The following KLF8 variants were observed in gnomAD, a reference collection of about 807,000 sequenced individuals.
The protein encoded by KLF8 is KLF transcription factor 8.
KLF8 carries 10 observed loss-of-function variants against 18.2 expected under a neutral mutation model. The observed-to-expected ratio is 0.55, with a 90% CI of 0.34 to 0.93. The LOEUF (loss-of-function observed/expected upper bound fraction) is 0.93. KLF8 is among the 40% of genes least tolerant of loss of function. The pLI, the probability that KLF8 is intolerant of heterozygous loss-of-function variation, is 0.02. For missense variants in KLF8, 264 were observed against 277.9 expected, an observed-to-expected ratio of 0.95 and a Z score of 0.36; for synonymous variants, 109 against 97.3, an observed-to-expected ratio of 1.12 and a Z score of -0.71.
At chrX:55,936,785 C>G in the KLF8 span, among the ~76,000 whole-genome samples, 9 of 110,165 alleles carry the variant, frequency 8.2e-5, no homozygotes, top group African/African-American at 3.0e-4. Context: ...TTTGTTAGCA[C>G]AGGGGTCTGA....
the KLF8 span, among the ~76,000 whole-genome samples, chrX:56,000,475 TGGGG>T: frequency 4.7e-4 from 17 of 36,249 alleles, no homozygotes; most frequent in African/African-American, 9.7e-4. Flanking sequence ...TGCTTTTTCT[TGGGG>T]GGGGGGGGAG....
chrX:56,029,211 G>A, the KLF8 span, among the ~76,000 whole-genome samples: 5 of 110,220 alleles, frequency 4.5e-5, no homozygotes, highest in African/African-American at 1.3e-4. Flanking sequence ...GACCTGGCTC[G>A]GTTAGAAAAA....
the KLF8 span, among the ~76,000 whole-genome samples, chrX:56,050,122 A>T: frequency 2.7e-5 from 3 of 109,488 alleles, no homozygotes; most frequent in African/African-American, 1.0e-4. Context: ...TATCCCCTTT[A>T]TCATTTTTTA....
At chrX:56,048,596 A>C in the KLF8 span, among the ~76,000 whole-genome samples, 5 of 111,402 alleles carry the variant, frequency 4.5e-5, no homozygotes, top group South Asian at 3.7e-4. Context: ...GGCATTATTT[A>C]TGAGGGTTCT....
chrX:55,999,282 C>T, the KLF8 span, among the ~76,000 whole-genome samples: 1 of 18,638 alleles, frequency 5.4e-5, no homozygotes, highest in African/African-American at 2.6e-4. Flanking sequence ...TTGATGCCTC[C>T]AGATTTTTTT....
At chrX:56,159,495 C>CG in the KLF8 span, among the ~76,000 whole-genome samples, 1 of 112,485 alleles carries the variant, frequency 8.9e-6, no homozygotes, top group African/African-American at 3.2e-5. Context: ...TGGTAGAATT[C>CG]GGCTGTGAAT....
At chrX:56,148,905 C>A in the KLF8 span, among the ~76,000 whole-genome samples, 5 of 112,018 alleles carry the variant, frequency 4.5e-5, no homozygotes, top group African/African-American at 1.3e-4. Flanking sequence ...CAAACTATAT[C>A]AAAATGGAAG....
the KLF8 span, among the ~76,000 whole-genome samples, chrX:56,202,837 G>A: frequency 9.0e-6 from 1 of 111,060 alleles, no homozygotes; most frequent in African/African-American, 3.3e-5. Context: ...TTGATGGGCT[G>A]TTAGGTCCCT....
chrX:56,288,654 A>G lies in KLF8; in HGVS notation c.*4160A>G, dbSNP rs1197998467. ...TGTGCAATAGCATTATGTCTAAAAA[A>G]CAATGTACATACCTTATTTTAAAAT... On this transcript the variant is annotated 3_prime_UTR_variant, in exon 6 of 6. Coordinates refer to ENST00000468660, the MANE Select transcript of KLF8 (RefSeq NM_007250.5). Among the ~76,000 whole-genome samples the G allele has an allele frequency of 8.9e-6, 1 of 112,656 alleles. No homozygotes were observed. Among genetic ancestry groups the G allele is most frequent in the Non-Finnish European group, 1.9e-5 (1 of 53,382 alleles).
At chrX:56,215,543 C>G in the KLF8 span, among the ~76,000 whole-genome samples, 1 of 109,597 alleles carries the variant, frequency 9.1e-6, no homozygotes, top group Non-Finnish European at 1.9e-5. Flanking sequence ...CAATTGCTGG[C>G]TGGGTGCGGT....
the KLF8 span, among the ~76,000 whole-genome samples, chrX:56,182,913 G>C: frequency 9.0e-6 from 1 of 110,629 alleles, no homozygotes; most frequent in Non-Finnish European, 1.9e-5. Context: ...GCTATTCAGG[G>C]GTCAGGGACC....
intron 5 of KLF8, among the ~76,000 whole-genome samples, chrX:56,282,783 C>G (rs750502723): frequency 8.9e-6 from 1 of 111,780 alleles, no homozygotes; most frequent in Admixed American, 9.5e-5. Flanking sequence ...AGATGGGAAA[C>G]AGAAAAATGT....
chrX:56,228,406 T>G (rs2066382509), upstream of KLF8, among the ~76,000 whole-genome samples: 1 of 112,195 alleles, frequency 8.9e-6, no homozygotes, highest in Non-Finnish European at 1.9e-5. Flanking sequence ...TGATCCCTTC[T>G]GGAGTCTTGG....
chrX:56,074,770 C>A, the KLF8 span: 98 of 124,919 alleles, frequency 7.8e-4, 1 homozygote, highest in East Asian at 0.025. Flanking sequence ...CTATGTAAGG[C>A]CACTTTCAAT....
At chrX:56,052,852 C>G in the KLF8 span, among the ~76,000 whole-genome samples, 1 of 111,605 alleles carries the variant, frequency 9.0e-6, no homozygotes, top group East Asian at 2.8e-4. Context: ...CAATGGCGGG[C>G]ACCCCTCCCC....
the KLF8 span, among the ~76,000 whole-genome samples, chrX:56,158,131 A>G: frequency 8.9e-6 from 1 of 111,796 alleles, no homozygotes; most frequent in Non-Finnish European, 1.9e-5. Context: ...TCCCAGCACC[A>G]TTTATTAAAT....
the KLF8 span, among the ~76,000 whole-genome samples, chrX:55,937,826 A>G: frequency 8.9e-6 from 1 of 111,735 alleles, no homozygotes; most frequent in Admixed American, 9.5e-5. Context: ...TTTAGAGTAA[A>G]AGAAATAAAA....
the KLF8 span, among the ~76,000 whole-genome samples, chrX:56,039,465 G>A: frequency 0.1 from 11,414 of 111,391 alleles, 979 homozygotes; most frequent in African/African-American, 0.28. Context: ...ATTAAATAGG[G>A]AATCCTTTCT....
At chrX:56,094,612 T>A in the KLF8 span, among the ~76,000 whole-genome samples, 3 of 111,305 alleles carry the variant, frequency 2.7e-5, no homozygotes, top group Non-Finnish European at 5.7e-5. Flanking sequence ...AAAAAACGTA[T>A]CTAATTGATA....
Sources: gnomAD v4.1 joint callset for allele counts (sites outside exome capture counted in the v4.1 genomes callset) on GRCh38, gnomAD v4.1.1 for gene constraint, MANE v1.5 for transcripts, NCBI Gene and HGNC (gene_info 2026-07-23, HGNC 2026-07-21) for gene names.